SMG5: variants seen among roughly 807,000 people sequenced by gnomAD.
The protein encoded by SMG5 is SMG5 nonsense mediated mRNA decay factor.
A neutral mutation model predicts 122.9 loss-of-function variants in SMG5; 53 were observed. The ratio of observed to expected loss-of-function variants is 0.43; its 90% CI spans 0.35 to 0.54. SMG5 has a LOEUF of 0.54. Ranked by LOEUF, SMG5 falls within the 20% of genes least tolerant of loss-of-function variation. The pLI is 0.01. For missense variants in SMG5, 1,153 were observed against 1,285.6 expected (o/e 0.90, Z 1.58); for synonymous variants, 477 against 490.2 (o/e 0.97, Z 0.35).
At chr1:156,259,314 G>C (rs1661715068) in intron 15 of SMG5, 151 bp from the exon 16 acceptor site, 2 of 805,428 alleles carry the variant, frequency 2.5e-6, no homozygotes, top group Non-Finnish European at 3.6e-6. Context: ...GTGGTCTATG[G>C]GGTGGGAAGG....
chr1:156,249,707 C>T lies in SMG5; in HGVS notation c.*880G>A. 1 of 468,202 alleles carries T rather than the reference C, an allele frequency of 2.1e-6. No homozygotes were observed. The highest frequency in any genetic ancestry group is 1.6e-5 in the South Asian group (1 of 64,440). 29.0% of individuals were successfully genotyped at this position (468,202 alleles called of 1,614,324 possible). On this transcript the variant is annotated 3_prime_UTR_variant, in exon 22 of 22. Transcript: ENST00000361813. ...TGAATGCCGGCCCCTTGTCTTCAGC[C>T]CTCCCTTAGATAGGAAGGGGGGTGG...
intron 6 of SMG5, among the ~76,000 whole-genome samples, chr1:156,272,855 G>A (rs1270308315): frequency 2.6e-5 from 4 of 151,976 alleles, no homozygotes; most frequent in Admixed American, 6.6e-5. Flanking sequence ...TTGAGCCACC[G>A]CGCCCGGCCT....
rs76656550 is a variant in SMG5, at chr1:156,272,247, G to A, written c.713+73C>T. 3.7e-4 allele frequency: 494 copies of A among 1,338,680 alleles called. 6 individuals carry two copies. The East Asian group carries it at 0.012, about 33-fold the overall frequency. 82.9% of individuals were successfully genotyped at this position (1,338,680 alleles called of 1,614,324 possible). A position where few individuals can be genotyped will look rare whatever the true frequency, so the allele number is the denominator to read the frequency against. ...AGCCACAGCTAGAGGAAGGAGGAAG[G>A]GAAGACGGAAAACAAAGCCAAAATA... On this transcript the variant is annotated intron_variant, in intron 7 of 21. Coordinates refer to ENST00000361813, the MANE Select transcript of SMG5 (RefSeq NM_015327.3).
At position 156,282,787 on chromosome 1, in the gene SMG5, C is replaced by G. The variant is rs570779969; in HGVS notation, c.-107G>C. 1.6e-6 allele frequency: 2 copies of G among 1,258,898 alleles called. No homozygotes were observed. Among genetic ancestry groups the G allele is most frequent in the Non-Finnish European group, 2.1e-6 (2 of 933,552 alleles). The allele number at this position is 1,258,898 out of a possible 1,614,324, so 78.0% of individuals were successfully genotyped here. ...GCCGCAGCCGCCGCCGCCACCGGCC[C>G]TGCTCGGCCGCCATCGCTGTGAGGC... On this transcript the variant is annotated 5_prime_UTR_variant, in exon 1 of 22. Coordinates refer to ENST00000361813, the MANE Select transcript of SMG5 (RefSeq NM_015327.3).
At chr1:156,268,446 T>G (rs766284707) in intron 7 of SMG5, 31 bp from the exon 8 acceptor site, 2 of 1,609,336 alleles carry the variant, frequency 1.2e-6, no homozygotes, top group Admixed American at 1.7e-5. Context: ...CTACTGAGTC[T>G]TGGCAGGGGG....
intron 11 of SMG5, 26 bp downstream of exon 11, chr1:156,266,515 A>T (rs766472876): frequency 6.2e-7 from 1 of 1,613,888 alleles, no homozygotes; most frequent in Non-Finnish European, 8.5e-7. Context: ...ACCTTTCCAT[A>T]GTGATGACCT....
the SMG5 span, chr1:156,291,032 C>G: frequency 1.6e-5 from 4 of 250,456 alleles, no homozygotes; most frequent in Non-Finnish European, 3.1e-5. Flanking sequence ...CCCAGCTACT[C>G]AGGAGTCTGA....
chr1:156,271,566 G>GTTTTTTTT (rs755111375), intron 7 of SMG5, among the ~76,000 whole-genome samples: 7 of 82,310 alleles, frequency 8.5e-5, no homozygotes, highest in Admixed American at 1.8e-4. Flanking sequence ...CCCTGAAGAG[G>GTTTTTTTT]TTTTTTTTTT....
chr1:156,262,477 GAAAAA>G (rs1229479162), intron 13 of SMG5, among the ~76,000 whole-genome samples: 1 of 67,004 alleles, frequency 1.5e-5, no homozygotes, highest in African/African-American at 5.6e-5. Flanking sequence ...CTCCATCTCA[GAAAAA>G]AAAAAAAAAA....
Position 156,277,887 on chromosome 1 carries a change from C to T in SMG5, c.297+38G>A, listed in dbSNP as rs374535210. 4.9e-5 allele frequency: 79 copies of T among 1,611,002 alleles called. No homozygotes were observed. In the African/African-American group the frequency reaches 8.1e-4, roughly 17 times the overall value. On this transcript the variant is annotated intron_variant, in intron 3 of 21. Coordinates refer to ENST00000361813, the MANE Select transcript of SMG5 (RefSeq NM_015327.3). The stretch of plus-strand genomic sequence containing the variant: ...CCACTTTCCTAGCTGTCTCTTCCTT[C>T]CTTGGCTTTCCCTCTTTAGACAAGG...
In SMG5 at chr1:156,260,628, T is replaced by TG; in HGVS notation, c.2108-3dup. ...GGACCTCAGGACACAAGGCCAGGCC[T>TG]GGGCAGAAGAAGGACACATAAGACC... is the stretch of plus-strand genomic sequence containing the variant. On this transcript the variant is annotated splice_region_variant and splice_polypyrimidine_tract_variant and intron_variant, in intron 14 of 21. Coordinates refer to ENST00000361813, the MANE Select transcript of SMG5 (RefSeq NM_015327.3). 1.3e-6 allele frequency: 2 copies of TG among 1,496,950 alleles called. No homozygotes were observed. Among genetic ancestry groups the TG allele is most frequent in the Non-Finnish European group, 1.8e-6 (2 of 1,126,944 alleles). 92.7% of individuals were successfully genotyped at this position (1,496,950 alleles called of 1,614,324 possible). A position where few individuals can be genotyped will look rare whatever the true frequency, so the allele number is the denominator to read the frequency against.
Position 156,282,698 on chromosome 1 carries a change from G to A in SMG5, c.-18C>T. On this transcript the variant is annotated 5_prime_UTR_variant, in exon 1 of 22. Transcript: ENST00000361813. ...TGGCTCATGGTGCCCGGGTCCGGGG[G>A]CAGCTCCCGGTCACAGGCCCCTGCC... The A allele has an allele frequency of 1.9e-6, 3 of 1,590,460 alleles. No individual in the cohort carries two copies. The highest frequency in any genetic ancestry group is 2.6e-6 in the Non-Finnish European group (3 of 1,174,630).
At chr1:156,253,237 TAA>T (rs1661432372) in intron 17 of SMG5, among the ~76,000 whole-genome samples, 159 bp from the exon 18 acceptor site, 1 of 151,436 alleles carries the variant, frequency 6.6e-6, no homozygotes, top group Non-Finnish European at 1.5e-5. Context: ...TAAACAGAAA[TAA>T]GAGTTAAAGA....
At chr1:156,271,360 T>C (rs1452104951) in intron 7 of SMG5, among the ~76,000 whole-genome samples, 1 of 152,238 alleles carries the variant, frequency 6.6e-6, no homozygotes, top group African/African-American at 2.4e-5. Flanking sequence ...TAACTTCTTC[T>C]GAGAATGATT....
At position 156,267,623 on chromosome 1, in the gene SMG5, G is replaced by C. The variant is rs754444740; in HGVS notation, c.964C>G (p.Leu322Val). The C allele has an allele frequency of 6.2e-7, 1 of 1,613,438 alleles. No homozygotes were observed. Among genetic ancestry groups the C allele is most frequent in the Non-Finnish European group, 8.5e-7 (1 of 1,179,884 alleles). ...LCQSVLEDFN[L>V]CLFYLPSSPN... ...GAGGAGGGCAGGTAGAAGAGGCAGA[G>C]GTTGAAGTCCTCCAGGACTGACTGG... The change falls in exon 10 of 22, where the codon CTC becomes GTC. Residue 322 changes from leucine (L) to valine (V), a missense_variant. By Grantham distance (32) the Leu-to-Val change is conservative. Transcript: ENST00000361813.
intron 7 of SMG5, 98 bp from the exon 8 acceptor site, chr1:156,268,513 GCTCC>G: frequency 2.7e-6 from 4 of 1,488,300 alleles, no homozygotes; most frequent in African/African-American, 1.4e-5. Context: ...AATACAGGCT[GCTCC>G]CAGCCTCAGC....
intron 7 of SMG5, among the ~76,000 whole-genome samples, chr1:156,269,158 C>T (rs893753480): frequency 1.3e-5 from 2 of 151,988 alleles, no homozygotes; most frequent in Non-Finnish European, 2.9e-5. Context: ...TTAGTAGAGA[C>T]GGGGTTTCAC....
upstream of SMG5, chr1:156,286,574 T>C (rs1663170306): frequency 8.4e-7 from 1 of 1,190,154 alleles, no homozygotes; most frequent in Admixed American, 1.9e-5. Flanking sequence ...TTCCGGATTC[T>C]ACACTGGCCC....
chr1:156,263,877 C>T (rs1373641471), intron 12 of SMG5, among the ~76,000 whole-genome samples: 2 of 152,166 alleles, frequency 1.3e-5, no homozygotes, highest in Non-Finnish European at 2.9e-5. Context: ...ATTCATTCAA[C>T]TAGGATTTAT....
Sources: allele counts gnomAD v4.1 joint callset (sites outside exome capture counted in the v4.1 genomes callset), GRCh38; gene constraint gnomAD v4.1.1; transcripts MANE v1.5; gene names NCBI Gene and HGNC (gene_info 2026-07-23, HGNC 2026-07-21).